The following TTC28 variants were observed in gnomAD, a reference collection of about 807,000 sequenced individuals.
The protein encoded by TTC28 is tetratricopeptide repeat protein 28.
In TTC28, 61 loss-of-function variants were observed where a neutral mutation model predicts 198.0. The ratio of observed to expected loss-of-function variants is 0.31; its 90% CI spans 0.25 to 0.38. The LOEUF (loss-of-function observed/expected upper bound fraction) is 0.38, where lower values mean the gene tolerates loss of function less well. Ranked by LOEUF, TTC28 falls within the 10% of genes least tolerant of loss-of-function variation. TTC28 has a pLI of 1.00. For missense variants in TTC28, 2,678 were observed against 3,164.0 expected (o/e 0.85, Z 3.69); for synonymous variants, 1,171 against 1,297.8 (o/e 0.90, Z 2.10).
intron 12 of TTC28, among the ~76,000 whole-genome samples, chr22:28,049,098 A>G (rs1014507008): frequency 6.6e-6 from 1 of 152,132 alleles, no homozygotes; most frequent in African/African-American, 2.4e-5. Flanking sequence ...CCCTGTCTCA[A>G]GTCTCTGATC....
chr22:28,193,151 A>AT (rs1357628152), intron 5 of TTC28, among the ~76,000 whole-genome samples: 1 of 152,212 alleles, frequency 6.6e-6, no homozygotes, highest in African/African-American at 2.4e-5. Context: ...TCTTAAAAGA[A>AT]TTTTCAACCC....
intron 13 of TTC28, among the ~76,000 whole-genome samples, chr22:28,016,631 C>T (rs890644185): frequency 2.0e-5 from 3 of 152,192 alleles, no homozygotes; most frequent in African/African-American, 7.2e-5. Flanking sequence ...TGCCATGCCC[C>T]CAGACAGTGC....
At chr22:28,606,114 C>G (rs1382807318) in intron 2 of TTC28, among the ~76,000 whole-genome samples, 1 of 145,964 alleles carries the variant, frequency 6.9e-6, no homozygotes, top group Non-Finnish European at 1.5e-5. Flanking sequence ...GACGATATCT[C>G]TCCCTGTTGC....
chr22:28,358,288 T>C (rs1189640482), intron 2 of TTC28, among the ~76,000 whole-genome samples: 2 of 152,214 alleles, frequency 1.3e-5, no homozygotes, highest in Non-Finnish European at 2.9e-5. Context: ...TACAACTGAA[T>C]GTTAGATCCA....
At chr22:28,443,404 C>T (rs1295742897) in intron 2 of TTC28, among the ~76,000 whole-genome samples, 1 of 152,194 alleles carries the variant, frequency 6.6e-6, no homozygotes. Context: ...GTGTATTTCT[C>T]GTTTGTAAAA....
At chr22:28,196,186 A>G (rs1314766032) in intron 5 of TTC28, among the ~76,000 whole-genome samples, 1 of 152,148 alleles carries the variant, frequency 6.6e-6, no homozygotes, top group African/African-American at 2.4e-5. Flanking sequence ...AGAATTGGGG[A>G]AAGGATTCCC....
At chr22:28,314,209 G>T (rs1180695271) in intron 2 of TTC28, among the ~76,000 whole-genome samples, 1 of 152,046 alleles carries the variant, frequency 6.6e-6, no homozygotes, top group East Asian at 1.9e-4. Context: ...ATGGAAATAA[G>T]AGAGCACACA....
chr22:28,066,583 T>C (rs184742235), intron 12 of TTC28, among the ~76,000 whole-genome samples: 190 of 152,304 alleles, frequency 1.2e-3, no homozygotes, highest in African/African-American at 4.2e-3. Context: ...AGTATTGGTC[T>C]GTCCAGCAGG....
At chr22:28,405,442 T>C (rs1242168764) in intron 2 of TTC28, among the ~76,000 whole-genome samples, 1 of 152,062 alleles carries the variant, frequency 6.6e-6, no homozygotes, top group Non-Finnish European at 1.5e-5. Flanking sequence ...AATGTGCATA[T>C]ACAAATAGCT....
At chr22:28,091,223 T>C (rs1941804333) in intron 12 of TTC28, among the ~76,000 whole-genome samples, 2 of 152,248 alleles carry the variant, frequency 1.3e-5, no homozygotes, top group Non-Finnish European at 2.9e-5. Flanking sequence ...AGAAAAGAAC[T>C]GCTTAGCCAC....
intron 12 of TTC28, among the ~76,000 whole-genome samples, chr22:28,064,923 G>GT (rs1202002043): frequency 2.0e-5 from 3 of 152,176 alleles, no homozygotes; most frequent in Non-Finnish European, 4.4e-5. Context: ...TTCGTACCAT[G>GT]TGCAAGTATC....
At chr22:28,493,769 C>T (rs1013549985) in intron 2 of TTC28, among the ~76,000 whole-genome samples, 1 of 152,166 alleles carries the variant, frequency 6.6e-6, no homozygotes, top group Non-Finnish European at 1.5e-5. Context: ...CATCTAATTT[C>T]CCTATCAGTT....
At chr22:27,996,886 C>G (rs1937562855) in intron 16 of TTC28, among the ~76,000 whole-genome samples, 1 of 152,008 alleles carries the variant, frequency 6.6e-6, no homozygotes, top group Admixed American at 6.5e-5. Context: ...AACAAGAGAG[C>G]ATCACTAAAA....
Position 28,209,362 on chromosome 22 carries a change from G to A in TTC28, c.934-45763C>T, listed in dbSNP as rs1261896694. On this transcript the variant is annotated intron_variant, in intron 5 of 22. Coordinates refer to ENST00000397906, the MANE Select transcript of TTC28 (RefSeq NM_001145418.2). The stretch of plus-strand genomic sequence containing the variant: ...GCATCGCCTCACCCAGGAAGCGCAA[G>A]GGGTCAGGGAATTCCCTTTCCTAGC... Among the ~76,000 whole-genome samples the A allele has an allele frequency of 3.9e-5, 6 of 152,194 alleles. No individual in the cohort carries two copies. The South Asian group carries it at 1.2e-3, about 32-fold the overall frequency.
intron 2 of TTC28, among the ~76,000 whole-genome samples, chr22:28,445,061 T>C (rs16986438): frequency 6.6e-6 from 1 of 152,322 alleles, no homozygotes; most frequent in African/African-American, 2.4e-5. Context: ...CCTTTCTCTA[T>C]CTACAACACC....
At chr22:28,637,379 C>T (rs1431394924) in intron 1 of TTC28, among the ~76,000 whole-genome samples, 2 of 152,154 alleles carry the variant, frequency 1.3e-5, no homozygotes, top group African/African-American at 4.8e-5. Flanking sequence ...TCCAATTACA[C>T]TTTATGGCAT....
intron 5 of TTC28, among the ~76,000 whole-genome samples, chr22:28,210,012 A>G (rs940440031): frequency 1.3e-5 from 2 of 152,166 alleles, no homozygotes; most frequent in African/African-American, 4.8e-5. Context: ...CAATGGAGAT[A>G]CCCTGGCAAA....
intron 5 of TTC28, among the ~76,000 whole-genome samples, chr22:28,258,177 C>T (rs1931088769): frequency 6.6e-6 from 1 of 152,026 alleles, no homozygotes; most frequent in South Asian, 2.1e-4. Flanking sequence ...ACTTTTGATG[C>T]GTAATTTGTT....
intron 14 of TTC28, chr22:28,002,442 A>G (rs1182885677): frequency 6.6e-6 from 1 of 152,162 alleles, no homozygotes; most frequent in Non-Finnish European, 1.5e-5. Flanking sequence ...TGACAAGCGG[A>G]CACCCACCAG....
Sources: gnomAD v4.1 joint callset for allele counts (sites outside exome capture counted in the v4.1 genomes callset) on GRCh38, gnomAD v4.1.1 for gene constraint, MANE v1.5 for transcripts, NCBI Gene and HGNC (gene_info 2026-07-23, HGNC 2026-07-21) for gene names.